Variants in CCM2 observed in about 807,000 individuals in gnomAD.
The protein encoded by CCM2 is CCM2 scaffold protein, also known as cerebral cavernous malformations 2 protein.
In CCM2, 25 loss-of-function variants were observed where a neutral mutation model predicts 44.9. That is an observed-to-expected ratio of 0.56 (90% CI 0.41 to 0.78). CCM2 has a LOEUF of 0.78. Ranked by LOEUF, CCM2 falls within the 30% of genes least tolerant of loss-of-function variation. The pLI, the probability that CCM2 is intolerant of heterozygous loss-of-function variation, is 0.00. For missense variants in CCM2, 481 were observed against 580.6 expected (o/e 0.83, Z 1.76); for synonymous variants, 219 against 241.1 (o/e 0.91, Z 0.85).
intron 8 of CCM2, 161 bp downstream of exon 8, chr7:45,073,732 C>T: frequency 1.6e-6 from 1 of 615,342 alleles, no homozygotes; most frequent in Non-Finnish European, 2.9e-6. Context: ...ACTGCCTTTT[C>T]CTGGGGATAG....
At chr7:45,005,424 G>A (rs1446960023) in intron 1 of CCM2, among the ~76,000 whole-genome samples, 2 of 152,226 alleles carry the variant, frequency 1.3e-5, no homozygotes, top group Non-Finnish European at 2.9e-5. Context: ...GTTTCTCTTA[G>A]CAATATTATT....
At chr7:45,073,146 C>G in intron 7 of CCM2, 1 of 572,760 alleles carries the variant, frequency 1.7e-6, no homozygotes, top group Non-Finnish European at 3.1e-6. Context: ...CCCACTCGCG[C>G]TCTCCATTCC....
In CCM2 at chr7:45,069,936, G is replaced by A. The variant is rs534266433; in HGVS notation, c.720G>A (p.Pro240=). 116 of 1,614,062 alleles carry A rather than the reference G, an allele frequency of 7.2e-5. No homozygotes were observed. Among genetic ancestry groups the A allele is most frequent in the East Asian group, 5.1e-4 (23 of 44,880 alleles). Residue 240 remains proline (P), a synonymous_variant, in exon 6 of 10, where the codon CCG becomes CCA. Transcript: ENST00000258781. The part of the protein sequence containing the change: ...DRAIFDGAST[P]THHLSLHSDD... Reference sequence around the variant, plus strand: ...CGATATTTGATGGGGCCTCTACCCCGACCCACCACCTGTCCCTGCACAGCG... The same window carrying A: ...CGATATTTGATGGGGCCTCTACCCCAACCCACCACCTGTCCCTGCACAGCG...
At chr7:45,029,455 C>CT (rs1408505894) in intron 1 of CCM2, 5 of 152,172 alleles carry the variant, frequency 3.3e-5, no homozygotes, top group Non-Finnish European at 5.9e-5. Context: ...CTTTTTAGCA[C>CT]TTTCTCCAGA....
At chr7:45,036,302 A>G (rs1583896870) in intron 1 of CCM2, among the ~76,000 whole-genome samples, 1 of 152,180 alleles carries the variant, frequency 6.6e-6, no homozygotes, top group South Asian at 2.1e-4. Flanking sequence ...TAGTGGGTGA[A>G]TGGAATAAAA....
intron 6 of CCM2, chr7:45,070,172 A>C: frequency 3.3e-6 from 2 of 614,416 alleles, no homozygotes; most frequent in East Asian, 5.7e-5. Flanking sequence ...GCACCAGGTC[A>C]GCGCTATGGC....
chr7:45,033,922 A>T (rs943887429), intron 1 of CCM2, among the ~76,000 whole-genome samples: 1 of 152,166 alleles, frequency 6.6e-6, no homozygotes, highest in African/African-American at 2.4e-5. Flanking sequence ...TTGCATCACT[A>T]AATTTTGAGG....
intron 1 of CCM2, among the ~76,000 whole-genome samples, chr7:45,019,376 A>G (rs114219040): frequency 0.039 from 5,907 of 152,006 alleles, 371 homozygotes; most frequent in African/African-American, 0.13. Flanking sequence ...TGGGTTTTAT[A>G]CTTTGGTTTG....
chr7:45,013,184 T>C (rs1796132208), intron 1 of CCM2, among the ~76,000 whole-genome samples: 1 of 152,192 alleles, frequency 6.6e-6, no homozygotes, highest in African/African-American at 2.4e-5. Context: ...CATCCATTAA[T>C]ATCATTTCTT....
intron 3 of CCM2, among the ~76,000 whole-genome samples, chr7:45,064,216 C>T (rs1035242057): frequency 1.3e-5 from 2 of 152,206 alleles, no homozygotes; most frequent in Non-Finnish European, 2.9e-5. Context: ...AAAATTTACA[C>T]TTTCAAGATA....
chr7:45,010,818 G>A (rs1171292313), intron 1 of CCM2, among the ~76,000 whole-genome samples: 1 of 151,990 alleles, frequency 6.6e-6, no homozygotes, highest in Non-Finnish European at 1.5e-5. Context: ...GGCTGGTCTC[G>A]AACCCCTGAC....
chr7:45,075,377 T>C (rs1205436820), intron 9 of CCM2, among the ~76,000 whole-genome samples: 1 of 152,260 alleles, frequency 6.6e-6, no homozygotes, highest in African/African-American at 2.4e-5. Flanking sequence ...TGCACCCTTG[T>C]TGCCGGGTGC....
chr7:45,013,405 T>C (rs1583846968), intron 1 of CCM2, among the ~76,000 whole-genome samples: 1 of 152,122 alleles, frequency 6.6e-6, no homozygotes, highest in East Asian at 1.9e-4. Flanking sequence ...ACAGAGTATA[T>C]ACAGAGTACA....
intron 1 of CCM2, among the ~76,000 whole-genome samples, chr7:45,031,808 G>C (rs1194738644): frequency 6.6e-6 from 1 of 152,116 alleles, no homozygotes. Flanking sequence ...CCTGACTCTA[G>C]TGATCCTCCC....
At chr7:45,000,630 C>T (rs1036719331) in intron 1 of CCM2, among the ~76,000 whole-genome samples, 3 of 152,216 alleles carry the variant, frequency 2.0e-5, no homozygotes, top group African/African-American at 7.2e-5. Flanking sequence ...GCGTCGGGAC[C>T]TGGGGCTGCA....
chr7:45,073,694 A>C, intron 8 of CCM2, 123 bp downstream of exon 8: 1 of 666,650 alleles, frequency 1.5e-6, no homozygotes, highest in South Asian at 1.8e-5. Context: ...GGTCACCTAG[A>C]GCACTCTTGG....
chr7:45,048,393 A>G (rs17172307), intron 2 of CCM2, among the ~76,000 whole-genome samples: 5,266 of 152,322 alleles, frequency 0.035, 310 homozygotes, highest in African/African-American at 0.12. Context: ...TTAATGAACA[A>G]GTTGAGAGGG....
intron 2 of CCM2, among the ~76,000 whole-genome samples, chr7:45,058,569 GTT>G (rs1798376054): frequency 6.7e-6 from 1 of 149,200 alleles, no homozygotes; most frequent in Admixed American, 6.8e-5. Flanking sequence ...AACATGCGGT[GTT>G]TGTTTTTTTG....
chr7:45,003,136 C>T (rs1795713490), intron 1 of CCM2, among the ~76,000 whole-genome samples: 1 of 152,116 alleles, frequency 6.6e-6, no homozygotes, highest in South Asian at 2.1e-4. Context: ...AGTGCAATGG[C>T]ACGATCTCAG....
Sources: gnomAD v4.1 joint callset for allele counts (sites outside exome capture counted in the v4.1 genomes callset) on GRCh38, gnomAD v4.1.1 for gene constraint, MANE v1.5 for transcripts, NCBI Gene and HGNC (gene_info 2026-07-23, HGNC 2026-07-21) for gene names.